The following WDR64 variants were observed in gnomAD, a reference collection of about 807,000 sequenced individuals.
WDR64 encodes WD repeat domain 64.
WDR64 carries 112 observed loss-of-function variants against 139.3 expected under a neutral mutation model. The ratio of observed to expected loss-of-function variants is 0.80; its 90% CI spans 0.69 to 0.94. The LOEUF is 0.94. WDR64 is among the 40% of genes least tolerant of loss of function. WDR64 has a pLI of 0.00. For synonymous variants in WDR64, 444 were observed against 437.7 expected, an observed-to-expected ratio of 1.01 and a Z score of -0.18; for missense variants, 1,206 against 1,293.1, an observed-to-expected ratio of 0.93 and a Z score of 1.03.
chr1:241,784,529 A>G (rs1472913534), intron 23 of WDR64, among the ~76,000 whole-genome samples: 1 of 152,202 alleles, frequency 6.6e-6, no homozygotes, highest in East Asian at 1.9e-4. Flanking sequence ...ACTCATTAAG[A>G]TACAGGGCTC....
intron 27 of WDR64, among the ~76,000 whole-genome samples, chr1:241,797,960 A>G (rs1659413774): frequency 6.6e-6 from 1 of 152,186 alleles, no homozygotes; most frequent in East Asian, 1.9e-4. Context: ...AGTAAATACT[A>G]AGTGACAGAA....
In WDR64 at chr1:241,757,332, T is replaced by C. The variant is rs74150406; in HGVS notation, c.1820T>C (p.Val607Ala). ...ATGGTGATCTGGGAGCTGCCTGATG[T>C]TGTGCCTTTCCTACAAGATGGGAAA... is the stretch of plus-strand genomic sequence containing the variant. ...YLMVIWELPD[V>A]VPFLQDGKHA... Residue 607 changes from valine to alanine, a missense_variant, in exon 15 of 28, where the codon GTT becomes GCT. By Grantham distance (64) the Val-to-Ala change is moderately conservative. Coordinates refer to ENST00000437684, the MANE Select transcript of WDR64 (RefSeq NM_001367482.1). 0.014 allele frequency: 22,660 copies of C among 1,613,850 alleles called. 2,668 individuals are homozygous for C. In the African/African-American group the frequency reaches 0.26, roughly 18 times the overall value.
chr1:241,790,562 T>C (rs751387950), intron 24 of WDR64, 29 bp from the exon 25 acceptor site: 2 of 1,534,168 alleles, frequency 1.3e-6, no homozygotes, highest in Non-Finnish European at 8.9e-7. Context: ...GGTATGGGTA[T>C]GTACTTATTC....
At chr1:241,744,118 T>C (rs1424027518) in intron 12 of WDR64, among the ~76,000 whole-genome samples, 3 of 152,214 alleles carry the variant, frequency 2.0e-5, no homozygotes, top group Non-Finnish European at 4.4e-5. Flanking sequence ...AGGCTTACAG[T>C]ACCAACTGAC....
Position 241,674,694 on chromosome 1 carries a change from G to C in WDR64, c.430G>C (p.Asp144His). ...GAGCATTGTCAAGATACCTCACCTG[G>C]ATTTACTAATAACAGCTACTCAGAA... ...IKSIVKIPHL[D>H]LLITATQKGL... The change falls in exon 4 of 28, where the codon GAT (aspartate) becomes CAT (histidine). Residue 144 changes from aspartate (D) to histidine (H), a missense_variant. Transcript: ENST00000437684. 2 of 1,550,128 alleles carry C rather than the reference G, an allele frequency of 1.3e-6. No homozygotes were observed. The highest frequency in any genetic ancestry group is 1.7e-6 in the Non-Finnish European group (2 of 1,146,102).
intron 24 of WDR64, 54 bp downstream of exon 24, chr1:241,788,088 T>A: frequency 1.4e-6 from 2 of 1,471,816 alleles, no homozygotes; most frequent in Non-Finnish European, 1.8e-6. Context: ...ACTGTTGAGA[T>A]GCTGTGGCAC....
At chr1:241,718,595 A>G (rs1252783235) in intron 9 of WDR64, among the ~76,000 whole-genome samples, 2 of 152,202 alleles carry the variant, frequency 1.3e-5, no homozygotes, top group Admixed American at 6.6e-5. Context: ...TGAAAGTTTG[A>G]AATTTAAGAA....
At chr1:241,661,091 T>C (rs1665815078) in intron 2 of WDR64, among the ~76,000 whole-genome samples, 1 of 152,164 alleles carries the variant, frequency 6.6e-6, no homozygotes, top group Non-Finnish European at 1.5e-5. Flanking sequence ...ATCACCATGG[T>C]ATTTATTCTT....
chr1:241,713,459 G>A (rs111748726), intron 9 of WDR64, among the ~76,000 whole-genome samples: 2,491 of 135,018 alleles, frequency 0.018, 65 homozygotes, highest in African/African-American at 0.065. Flanking sequence ...GGAAGGAAAG[G>A]AAGGAAGGAA....
At chr1:241,772,083 A>G (rs1658476341) in intron 19 of WDR64, among the ~76,000 whole-genome samples, 1 of 147,978 alleles carries the variant, frequency 6.8e-6, no homozygotes, top group Admixed American at 6.8e-5. Context: ...TACTAATTCT[A>G]GGTTTTAAGA....
At chr1:241,738,526 T>A in intron 11 of WDR64, 37 bp downstream of exon 11, 1 of 1,576,152 alleles carries the variant, frequency 6.3e-7, no homozygotes, top group Non-Finnish European at 8.6e-7. Context: ...GAAACTCATG[T>A]CTTGATTTTT....
At position 241,735,531 on chromosome 1, in the gene WDR64, C is replaced by CCCTTTTTTTTTTTT. The variant is rs1296893731; in HGVS notation, c.1195-2832_1195-2831insCCTTTTTTTTTTTT. ...TAGTTCTCTGTCTCTCTCTCTCTCT[C>CCCTTTTTTTTTTTT]TCTTTTTTTTTTTTTTTTTTTGATA... is the stretch of plus-strand genomic sequence containing the variant. On this transcript the variant is annotated intron_variant, in intron 10 of 27. Coordinates refer to ENST00000437684, the MANE Select transcript of WDR64 (RefSeq NM_001367482.1). Among the ~76,000 whole-genome samples the CCCTTTTTTTTTTTT allele has an allele frequency of 3.0e-4, 29 of 96,784 alleles. 1 individual carries two copies. Among genetic ancestry groups the CCCTTTTTTTTTTTT allele is most frequent in the African/African-American group, 1.1e-3 (26 of 24,384 alleles). The allele number at this position is 96,784 out of a possible 152,430, so 63.5% of individuals were successfully genotyped here. A position where few individuals can be genotyped will look rare whatever the true frequency, so the allele number is the denominator to read the frequency against.
intron 22 of WDR64, 74 bp from the exon 23 acceptor site, chr1:241,783,198 A>ATGATTTTGT (rs1658910014): frequency 1.5e-6 from 2 of 1,305,618 alleles, no homozygotes; most frequent in Admixed American, 3.8e-5. Context: ...TCAATGAGAA[A>ATGATTTTGT]TGATTTTGTT....
At chr1:241,668,028 T>C (rs116488274) in intron 2 of WDR64, among the ~76,000 whole-genome samples, 1 of 152,302 alleles carries the variant, frequency 6.6e-6, no homozygotes, top group African/African-American at 2.4e-5. Flanking sequence ...GGTGCAGCAC[T>C]TGGAGAAGGA....
chr1:241,799,618 A>G (rs1407351734), intron 27 of WDR64, among the ~76,000 whole-genome samples: 1 of 152,206 alleles, frequency 6.6e-6, no homozygotes, highest in Non-Finnish European at 1.5e-5. Context: ...AAACTGAAAC[A>G]CAGAGGATAA....
Position 241,744,513 on chromosome 1 carries a change from A to G in WDR64, c.1591A>G (p.Asn531Asp). Residue 531 changes from asparagine to aspartate, a missense_variant, in exon 13 of 28, where the codon AAT becomes GAT. By Grantham distance (23) the Asn-to-Asp change is conservative. Coordinates refer to ENST00000437684, the MANE Select transcript of WDR64 (RefSeq NM_001367482.1). ...SGFLFATGAY[N>D]GTVRIWDFGS... ...ATTTCTTTTTGCCACAGGAGCGTAT[A>G]ATGGTCAGACTAACATCCAGAATGT... 1.9e-6 allele frequency: 3 copies of G among 1,613,956 alleles called. No individual in the cohort carries two copies. Among genetic ancestry groups the G allele is most frequent in the Non-Finnish European group, 2.5e-6 (3 of 1,179,938 alleles).
At chr1:241,746,617 T>A (rs147201774) in intron 13 of WDR64, among the ~76,000 whole-genome samples, 8 of 152,048 alleles carry the variant, frequency 5.3e-5, no homozygotes, top group African/African-American at 1.7e-4. Context: ...CAAACTGCAG[T>A]AGAACAATAC....
At chr1:241,695,845 T>C (rs916049285) in intron 8 of WDR64, among the ~76,000 whole-genome samples, 2 of 151,986 alleles carry the variant, frequency 1.3e-5, no homozygotes, top group African/African-American at 4.8e-5. Flanking sequence ...CCAGACATAG[T>C]GGCTAAGCCT....
At chr1:241,735,015 T>A (rs1669242409) in intron 10 of WDR64, among the ~76,000 whole-genome samples, 1 of 152,166 alleles carries the variant, frequency 6.6e-6, no homozygotes, top group Non-Finnish European at 1.5e-5. Flanking sequence ...TGGAAGGGAG[T>A]GCAACGAAAG....
Sources: gnomAD v4.1 joint callset for allele counts (sites outside exome capture counted in the v4.1 genomes callset) on GRCh38, gnomAD v4.1.1 for gene constraint, MANE v1.5 for transcripts, NCBI Gene and HGNC (gene_info 2026-07-23, HGNC 2026-07-21) for gene names.